Variants in CD1A observed in about 807,000 individuals in gnomAD.
CD1A encodes the protein CD1a molecule, also known as T-cell surface glycoprotein CD1a.
CD1A carries 50 observed loss-of-function variants against 38.3 expected under a neutral mutation model. The observed-to-expected ratio is 1.30, with a 90% confidence interval of 1.04 to 1.65. The LOEUF (loss-of-function observed/expected upper bound fraction) is 1.65, where lower values mean the gene tolerates loss of function less well. Ranked by LOEUF, CD1A falls within the 40% of genes most tolerant of loss-of-function variation. The pLI is 0.00. For synonymous variants in CD1A, 160 were observed against 150.8 expected, an observed-to-expected ratio of 1.06 and a Z score of -0.45; for missense variants, 459 against 406.1, an observed-to-expected ratio of 1.13 and a Z score of -1.12.
chr1:158,255,220 T>C lies in CD1A; in HGVS notation c.195T>C (p.Val65=). The stretch of plus-strand genomic sequence containing the variant: ...GGGACAGCAATTCCAGCACCATCGT[T>C]TTCCTGTGCCCCTGGTCCAGGGGAA... The part of the protein sequence containing the change: ...HTWDSNSSTI[V]FLCPWSRGNF... The change falls in exon 2 of 6, where the codon GTT becomes GTC. Residue 65 remains valine (V), a synonymous_variant. Transcript: ENST00000289429. 1 of 1,614,144 alleles carries C rather than the reference T, an allele frequency of 6.2e-7. No individual in the cohort carries two copies. The highest frequency in any genetic ancestry group is 8.5e-7 in the Non-Finnish European group (1 of 1,180,012).
In CD1A at chr1:158,256,905, C is replaced by T. The variant is rs777992461; in HGVS notation, c.724C>T (p.Gln242Ter). 4.3e-6 allele frequency: 7 copies of T among 1,614,144 alleles called. No homozygotes were observed. The highest frequency in any genetic ancestry group is 5.9e-6 in the Non-Finnish European group (7 of 1,180,028). Residue 242 changes from glutamine (Q) to a stop codon, truncating the protein, a stop_gained, in exon 4 of 6, where the codon CAG becomes TAG. Transcript: ENST00000289429. LOFTEE classifies it high-confidence loss of function. The part of the protein sequence containing the change: ...PVWVMWMRGE[Q>*]EQQGTQRGDI... ...GTGGGTGATGTGGATGCGGGGTGAG[C>T]AGGAGCAGCAGGGCACTCAGCGAGG... is the stretch of plus-strand genomic sequence containing the variant.
upstream of CD1A, among the ~76,000 whole-genome samples, chr1:158,253,583 A>G (rs1650143321): frequency 6.6e-6 from 1 of 152,196 alleles, no homozygotes; most frequent in African/African-American, 2.4e-5. Flanking sequence ...GGATGCATAG[A>G]CTGAATTCAT....
rs150698928 is a variant in CD1A, at chr1:158,256,878, G to A, written c.697G>A (p.Val233Met). 692 of 1,614,206 alleles carry A rather than the reference G, an allele frequency of 4.3e-4. 2 individuals carry two copies. Among genetic ancestry groups the A allele is most frequent in the Middle Eastern group, 3.8e-3 (23 of 6,062 alleles). Residue 233 changes from valine to methionine, a missense_variant, in exon 4 of 6, where the codon GTG (valine) becomes ATG (methionine). By Grantham distance (21) the Val-to-Met change is conservative. Coordinates refer to ENST00000289429, the MANE Select transcript of CD1A (RefSeq NM_001763.3). The stretch of plus-strand genomic sequence containing the variant: ...TGTCTCAGGATTCTACCCAAAGCCC[G>A]TGTGGGTGATGTGGATGCGGGGTGA... Reference protein sequence around the residue: ...CHVSGFYPKPVWVMWMRGEQE... With the variant: ...CHVSGFYPKPMWVMWMRGEQE...
At chr1:158,255,618 T>A (rs903442240) in intron 2 of CD1A, among the ~76,000 whole-genome samples, 3 of 152,216 alleles carry the variant, frequency 2.0e-5, no homozygotes, top group African/African-American at 7.2e-5. Context: ...ACCACCCTTC[T>A]GCCTGCCCTA....
upstream of CD1A, among the ~76,000 whole-genome samples, chr1:158,251,369 C>T (rs894249034): frequency 9.9e-5 from 15 of 152,166 alleles, no homozygotes; most frequent in Non-Finnish European, 1.9e-4. Context: ...GGGTTTGAGT[C>T]AATCTAGTCT....
Position 158,256,270 on chromosome 1 carries a change from C to T in CD1A, c.592C>T (p.Leu198Phe), listed in dbSNP as rs372765892. The T allele has an allele frequency of 8.7e-6, 14 of 1,613,544 alleles. No homozygotes were observed. Among genetic ancestry groups the T allele is most frequent in the African/African-American group, 1.3e-5 (1 of 74,926 alleles). Residue 198 changes from leucine to phenylalanine, a missense_variant, in exon 3 of 6, where the codon CTC (leucine) becomes TTC (phenylalanine). Leu to Phe is a conservative substitution (Grantham distance 22). Coordinates refer to ENST00000289429, the MANE Select transcript of CD1A (RefSeq NM_001763.3). ...LGLLDAGKAHLQRQVKPEAWL... is the reference protein window; with the variant it reads ...LGLLDAGKAHFQRQVKPEAWL... ...TCTTCTTGATGCAGGAAAGGCACATCTCCAGCGGCAAGGTCAGTCCTGCAC... is the reference window on the plus strand; with the variant it reads ...TCTTCTTGATGCAGGAAAGGCACATTTCCAGCGGCAAGGTCAGTCCTGCAC...
rs1380732811 is a variant in CD1A at position 158,256,223 on chromosome 1, C to T, written c.545C>T (p.Thr182Ile). The T allele has an allele frequency of 6.2e-7, 1 of 1,614,146 alleles. No individual in the cohort carries two copies. Among genetic ancestry groups the T allele is most frequent in the Non-Finnish European group, 8.5e-7 (1 of 1,180,016 alleles). Residue 182 changes from threonine to isoleucine, a missense_variant, in exon 3 of 6, where the codon ACC becomes ATC. By Grantham distance (89) the Thr-to-Ile change is moderately conservative. Transcript: ENST00000289429. Reference protein sequence around the residue: ...NDITHNLLSDTCPRFILGLLD... With the variant: ...NDITHNLLSDICPRFILGLLD... ...ATAACACACAATCTTCTCAGTGACA[C>T]CTGCCCACGTTTCATCTTGGGTCTT...
At chr1:158,255,945 C>A in intron 2 of CD1A, 59 bp from the exon 3 acceptor site, 1 of 1,504,580 alleles carries the variant, frequency 6.6e-7, no homozygotes, top group South Asian at 1.2e-5. Flanking sequence ...ATAATCTTTG[C>A]TTCTACTCAT....
upstream of CD1A, among the ~76,000 whole-genome samples, chr1:158,249,579 A>T (rs959049903): frequency 1.3e-5 from 2 of 152,238 alleles, no homozygotes; most frequent in South Asian, 2.1e-4. Context: ...AGACACAAAG[A>T]TTCAGAACAT....
upstream of CD1A, among the ~76,000 whole-genome samples, chr1:158,251,202 A>G (rs1442546883): frequency 6.6e-6 from 1 of 152,242 alleles, no homozygotes; most frequent in Non-Finnish European, 1.5e-5. Flanking sequence ...GTGGATCATC[A>G]CATGTTCGTC....
At chr1:158,248,727 G>A in the CD1A span, among the ~76,000 whole-genome samples, 1 of 151,924 alleles carries the variant, frequency 6.6e-6, no homozygotes, top group South Asian at 2.1e-4. Context: ...TTTTTCCCTA[G>A]CATTCTGCTC....
rs1650171858 is a variant in CD1A at position 158,254,429 on chromosome 1, G to A, written c.-241G>A. On this transcript the variant is annotated 5_prime_UTR_variant, in exon 1 of 6. Transcript: ENST00000289429. ...TGAATTAGGGGAAGGTGAATAAGTT[G>A]GAGGTTGGTGACAAGGAGAGAAGCT... The A allele has an allele frequency of 2.2e-6, 3 of 1,352,532 alleles. No homozygotes were observed. Among genetic ancestry groups the A allele is most frequent in the South Asian group, 3.1e-5 (2 of 64,874 alleles). The allele number at this position is 1,352,532 out of a possible 1,614,324, so 83.8% of individuals were successfully genotyped here.
intron 1 of CD1A, among the ~76,000 whole-genome samples, 173 bp downstream of exon 1, chr1:158,254,900 C>A (rs1650193121): frequency 6.6e-6 from 1 of 151,160 alleles, no homozygotes; most frequent in Non-Finnish European, 1.5e-5. Flanking sequence ...TCCATGACTC[C>A]AGGTCCCTGA....
chr1:158,249,241 T>C, the CD1A span, among the ~76,000 whole-genome samples: 1 of 152,186 alleles, frequency 6.6e-6, no homozygotes, highest in East Asian at 1.9e-4. Context: ...GGCCCTGTCT[T>C]TCTCCATTCA....
upstream of CD1A, among the ~76,000 whole-genome samples, chr1:158,251,453 G>C (rs1374886942): frequency 2.0e-5 from 3 of 152,190 alleles, no homozygotes; most frequent in African/African-American, 4.8e-5. Flanking sequence ...CTGTTCCTAG[G>C]GTGGGGCTGG....
rs954435984 is a variant in CD1A, at chr1:158,255,445, T to C, written c.325+95T>C. 12 of 1,290,126 alleles carry C rather than the reference T, an allele frequency of 9.3e-6. No homozygotes were observed. The African/African-American group carries it at 1.6e-4, about 17-fold the overall frequency. The allele number at this position is 1,290,126 out of a possible 1,614,324, so 79.9% of individuals were successfully genotyped here. A position where few individuals can be genotyped will look rare whatever the true frequency, so the allele number is the denominator to read the frequency against. Reference sequence around the variant, plus strand: ...TTTAGGAAACAGCCTGACTCTCTTCTGTATCTTATTCTATTCTTTCCACCA... The same window carrying C: ...TTTAGGAAACAGCCTGACTCTCTTCCGTATCTTATTCTATTCTTTCCACCA... On this transcript the variant is annotated intron_variant, in intron 2 of 5. Coordinates refer to ENST00000289429, the MANE Select transcript of CD1A (RefSeq NM_001763.3).
At position 158,257,716 on chromosome 1, in the gene CD1A, C is replaced by T. The variant is rs1571122075; in HGVS notation, c.*26C>T. On this transcript the variant is annotated 3_prime_UTR_variant, in exon 6 of 6. Transcript: ENST00000289429. ...GACACACCATGAGCCTCCTCGTCACCCTTCTCCTTTTGGGGTGAGAGACCA... is the reference window on the plus strand; with the variant it reads ...GACACACCATGAGCCTCCTCGTCACTCTTCTCCTTTTGGGGTGAGAGACCA... 7 of 1,612,446 alleles carry T rather than the reference C, an allele frequency of 4.3e-6. No individual in the cohort carries two copies. Among genetic ancestry groups the T allele is most frequent in the African/African-American group, 2.7e-5 (2 of 74,986 alleles).
At chr1:158,253,862 GA>G (rs1650148603), upstream of CD1A, among the ~76,000 whole-genome samples, 1 of 152,002 alleles carries the variant, frequency 6.6e-6, no homozygotes, top group Admixed American at 6.6e-5. Flanking sequence ...CCTAAGTAGA[GA>G]AAAAGCTCCT....
In CD1A at chr1:158,254,580, T is replaced by C. The variant is rs1650175948; in HGVS notation, c.-90T>C. Reference sequence around the variant, plus strand: ...TTTGTCTGTTGGCTGCAGAAAGAAGTCAGAATAGAGATATCGTGGGGTAGG... The same window carrying C: ...TTTGTCTGTTGGCTGCAGAAAGAAGCCAGAATAGAGATATCGTGGGGTAGG... On this transcript the variant is annotated 5_prime_UTR_variant, in exon 1 of 6. Coordinates refer to ENST00000289429, the MANE Select transcript of CD1A (RefSeq NM_001763.3). 6.2e-7 allele frequency: 1 copy of C among 1,602,596 alleles called. No homozygotes were observed. Among genetic ancestry groups the C allele is most frequent in the African/African-American group, 1.3e-5 (1 of 74,842 alleles).
Sources: gnomAD v4.1 joint callset for allele counts (sites outside exome capture counted in the v4.1 genomes callset) on GRCh38, gnomAD v4.1.1 for gene constraint, MANE v1.5 for transcripts, NCBI Gene and HGNC (gene_info 2026-07-23, HGNC 2026-07-21) for gene names.